Variants in CAMKMT observed in about 807,000 individuals in gnomAD.
The protein encoded by CAMKMT is calmodulin-lysine N-methyltransferase.
A neutral mutation model predicts 48.0 loss-of-function variants in CAMKMT; 53 were observed. The ratio of observed to expected loss-of-function variants is 1.10; its 90% confidence interval spans 0.89 to 1.39. The LOEUF is 1.39. CAMKMT is among the 40% of genes most tolerant of loss of function. The probability of loss-of-function intolerance (pLI) is 0.00; values close to 1 mark genes in which losing one functional copy is unlikely to be tolerated. For missense variants in CAMKMT, 428 were observed against 402.7 expected, an observed-to-expected ratio of 1.06 and a Z score of -0.54; for synonymous variants, 165 against 152.3, an observed-to-expected ratio of 1.08 and a Z score of -0.61.
At chr2:44,383,160 A>T (rs1261249081) in intron 2 of CAMKMT, among the ~76,000 whole-genome samples, 1 of 146,236 alleles carries the variant, frequency 6.8e-6, no homozygotes, top group African/African-American at 2.5e-5. Flanking sequence ...AATTTATTTT[A>T]TTTTATTTTA....
chr2:44,445,724 A>G (rs1433113847), intron 3 of CAMKMT, among the ~76,000 whole-genome samples: 1 of 133,402 alleles, frequency 7.5e-6, no homozygotes, highest in African/African-American at 2.8e-5. Context: ...TCCTCTCCCC[A>G]TGCAAACTGG....
chr2:44,719,646 G>T (rs933743274), intron 7 of CAMKMT, among the ~76,000 whole-genome samples: 24 of 152,134 alleles, frequency 1.6e-4, no homozygotes, highest in Non-Finnish European at 4.4e-5. Context: ...AATCCATAAG[G>T]CTTATGGAAC....
chr2:44,631,801 T>C, intron 3 of CAMKMT: 1 of 323,252 alleles, frequency 3.1e-6, no homozygotes. Flanking sequence ...CTGTCTTCTT[T>C]TGTATTATTT....
At chr2:44,694,608 TAAC>T (rs767462712) in intron 3 of CAMKMT, among the ~76,000 whole-genome samples, 3 of 152,274 alleles carry the variant, frequency 2.0e-5, no homozygotes, top group Admixed American at 2.0e-4. Context: ...TCACTAACAA[TAAC>T]AACAACAAAG....
chr2:44,723,603 CATACATAAATAAATAAATAAATAA>C (rs1180287603), intron 7 of CAMKMT: 1,154 of 82,890 alleles, frequency 0.014, 23 homozygotes, highest in African/African-American at 0.049. Flanking sequence ...TAAATAAATA[CATACATAAATAAATAAATAAATAA>C]ATAAATAAAT....
intron 3 of CAMKMT, among the ~76,000 whole-genome samples, chr2:44,638,113 G>A (rs1411483277): frequency 2.7e-5 from 4 of 150,822 alleles, no homozygotes; most frequent in Non-Finnish European, 4.4e-5. Flanking sequence ...CCAAATTAAA[G>A]TGTTCTTAAA....
intron 3 of CAMKMT, among the ~76,000 whole-genome samples, chr2:44,402,190 C>A (rs1005680607): frequency 6.6e-6 from 1 of 151,754 alleles, no homozygotes; most frequent in Non-Finnish European, 1.5e-5. Flanking sequence ...TTAGCCAGGC[C>A]TGGTGGCAGG....
At chr2:44,676,204 C>G (rs1675678592) in intron 3 of CAMKMT, among the ~76,000 whole-genome samples, 1 of 152,126 alleles carries the variant, frequency 6.6e-6, no homozygotes, top group Non-Finnish European at 1.5e-5. Context: ...TCCTCTTTCC[C>G]TCTCTCGCTC....
chr2:44,753,903 C>A, intron 8 of CAMKMT, 152 bp from the exon 9 acceptor site: 1 of 629,902 alleles, frequency 1.6e-6, no homozygotes, highest in Non-Finnish European at 2.8e-6. Flanking sequence ...TCCCCTCCCA[C>A]CCCCTCCAGT....
chr2:44,705,776 C>G (rs976469505), intron 4 of CAMKMT, among the ~76,000 whole-genome samples: 4 of 152,064 alleles, frequency 2.6e-5, no homozygotes, highest in Non-Finnish European at 4.4e-5. Flanking sequence ...CAAAATGTTT[C>G]AGTTTGTTTA....
intron 3 of CAMKMT, among the ~76,000 whole-genome samples, chr2:44,401,410 AGCC>A (rs1682365865): frequency 1.3e-5 from 2 of 152,132 alleles, no homozygotes; most frequent in Admixed American, 1.3e-4. Context: ...CAGAAAAATT[AGCC>A]AGGCATGGTG....
chr2:44,430,918 A>T (rs1019025537), intron 3 of CAMKMT, among the ~76,000 whole-genome samples: 2 of 152,242 alleles, frequency 1.3e-5, no homozygotes, highest in African/African-American at 2.4e-5. Context: ...AAAGTACTAT[A>T]AGAGCTATCA....
At position 44,376,907 on chromosome 2, in the gene CAMKMT, C is replaced by G. The variant is rs1327550744; in HGVS notation, c.311+4019C>G. Reference sequence around the variant, plus strand: ...GTCTTTGTCTACCTGTGGATGGTGACTCTTTGTTTCAAATTACGTGTTGAG... The same window carrying G: ...GTCTTTGTCTACCTGTGGATGGTGAGTCTTTGTTTCAAATTACGTGTTGAG... On this transcript the variant is annotated intron_variant, in intron 2 of 10. Transcript: ENST00000378494. Among the ~76,000 whole-genome samples, 4 of 152,240 alleles carry G rather than the reference C, an allele frequency of 2.6e-5. No individual in the cohort carries two copies. The East Asian group carries it at 7.7e-4, about 29-fold the overall frequency.
intron 3 of CAMKMT, among the ~76,000 whole-genome samples, chr2:44,686,459 A>C (rs1378665958): frequency 1.3e-5 from 2 of 152,132 alleles, no homozygotes; most frequent in Non-Finnish European, 2.9e-5. Context: ...AGTTCATAGT[A>C]ATGAACCAAT....
chr2:44,535,417 G>A (rs1666719008), intron 3 of CAMKMT, among the ~76,000 whole-genome samples: 1 of 152,120 alleles, frequency 6.6e-6, no homozygotes. Context: ...AACAAAACCA[G>A]TCAAGAACAA....
Position 44,520,394 on chromosome 2 carries a change from G to A in CAMKMT, c.376+130089G>A, listed in dbSNP as rs192797922. Among the ~76,000 whole-genome samples, 4 of 152,152 alleles carry A rather than the reference G, an allele frequency of 2.6e-5. No homozygotes were observed. In the East Asian group the frequency reaches 7.7e-4, roughly 29 times the overall value. ...GGACTCCCAAGTTGCTAGGATTACA[G>A]GAGTGAGCCACTGCATCCAGCCCTC... On this transcript the variant is annotated intron_variant, in intron 3 of 10. Coordinates refer to ENST00000378494, the MANE Select transcript of CAMKMT (RefSeq NM_024766.5).
At chr2:44,422,816 C>A (rs1352979307) in intron 3 of CAMKMT, among the ~76,000 whole-genome samples, 1 of 151,972 alleles carries the variant, frequency 6.6e-6, no homozygotes, top group Admixed American at 6.6e-5. Context: ...AATGGAGTTT[C>A]CAGTTCAGCT....
intron 3 of CAMKMT, among the ~76,000 whole-genome samples, chr2:44,553,650 C>T (rs1325729550): frequency 1.3e-5 from 2 of 152,134 alleles, no homozygotes; most frequent in Admixed American, 6.6e-5. Context: ...TGTGAGACAC[C>T]GTACTTGGCC....
chr2:44,540,633 C>T (rs1405793403), intron 3 of CAMKMT, among the ~76,000 whole-genome samples: 1 of 152,102 alleles, frequency 6.6e-6, no homozygotes, highest in East Asian at 1.9e-4. Context: ...TGCCTGTAGT[C>T]CCAGCTACTT....
Sources: gnomAD v4.1 joint callset for allele counts (sites outside exome capture counted in the v4.1 genomes callset) on GRCh38, gnomAD v4.1.1 for gene constraint, MANE v1.5 for transcripts, NCBI Gene and HGNC (gene_info 2026-07-23, HGNC 2026-07-21) for gene names.